STAU2: variants seen among roughly 807,000 people sequenced by gnomAD.
STAU2 encodes staufen double-stranded RNA binding protein 2, also known as double-stranded RNA-binding protein Staufen homolog 2.
STAU2 carries 20 observed loss-of-function variants against 65.9 expected under a neutral mutation model. The ratio of observed to expected loss-of-function variants is 0.30; its 90% confidence interval spans 0.21 to 0.44. The LOEUF is 0.44. Among genes scored for constraint, STAU2 ranks in the 20% least tolerant of loss-of-function variants. The pLI is 1.00. For missense variants in STAU2, 558 were observed against 683.9 expected (o/e 0.82, Z 2.05); for synonymous variants, 232 against 233.9 (o/e 0.99, Z 0.07).
At chr8:73,452,184 T>A (rs1412520684) in intron 13 of STAU2, among the ~76,000 whole-genome samples, 24 of 152,192 alleles carry the variant, frequency 1.6e-4, no homozygotes. Flanking sequence ...GGTTTTCTTT[T>A]TTCTCTCAAG....
chr8:73,676,194 T>G (rs1818016971), intron 5 of STAU2, among the ~76,000 whole-genome samples: 1 of 152,194 alleles, frequency 6.6e-6, no homozygotes, highest in Non-Finnish European at 1.5e-5. Flanking sequence ...TTAAGACCCA[T>G]CTACACACTG....
rs1401800014 is a variant in STAU2, at chr8:73,519,586, A to G, written c.1530+32426T>C. Among the ~76,000 whole-genome samples the G allele has an allele frequency of 2.0e-5, 3 of 152,196 alleles. No homozygotes were observed. In the East Asian group the frequency reaches 5.8e-4, roughly 29 times the overall value. On this transcript the variant is annotated intron_variant, in intron 13 of 14. Transcript: ENST00000524300. ...ATTTACAGTATGTGAATACACCAAG[A>G]TCAAGCTCTGGGATTCTTTCACAAA...
At chr8:73,680,425 G>T (rs1029093460) in intron 5 of STAU2, among the ~76,000 whole-genome samples, 2 of 152,110 alleles carry the variant, frequency 1.3e-5, no homozygotes, top group Non-Finnish European at 2.9e-5. Context: ...AACGGGGAGA[G>T]AACCACATCA....
At position 73,444,875 on chromosome 8, in the gene STAU2, G is replaced by A. The variant is rs557902570; in HGVS notation, c.1531-22173C>T. On this transcript the variant is annotated intron_variant, in intron 13 of 14. Transcript: ENST00000524300. ...TGAAGACACTTCCAGAGGACACAGG[G>A]ACCACATGCTAACAGTAGGCAAGGG... 2.9e-4 allele frequency among the ~76,000 whole-genome samples: 44 copies of A among 152,274 alleles called. 2 individuals carry two copies. Among genetic ancestry groups the A allele is most frequent in the African/African-American group, 9.6e-4 (40 of 41,566 alleles).
intron 13 of STAU2, among the ~76,000 whole-genome samples, chr8:73,447,025 T>C (rs1410681402): frequency 6.6e-6 from 1 of 152,218 alleles, no homozygotes; most frequent in Non-Finnish European, 1.5e-5. Flanking sequence ...CACTGCAACC[T>C]CCGCGTCCCG....
At chr8:73,720,075 G>C (rs1464302450) in intron 3 of STAU2, among the ~76,000 whole-genome samples, 9 of 151,988 alleles carry the variant, frequency 5.9e-5, no homozygotes, top group African/African-American at 2.2e-4. Flanking sequence ...CCAGGAGTTG[G>C]AGACCAGTCA....
chr8:73,448,444 G>A (rs1818601093), intron 13 of STAU2, among the ~76,000 whole-genome samples: 1 of 152,140 alleles, frequency 6.6e-6, no homozygotes, highest in African/African-American at 2.4e-5. Context: ...CGCCACGCCC[G>A]GCTAATTTTT....
chr8:73,699,297 T>G (rs1048294827), intron 4 of STAU2, among the ~76,000 whole-genome samples: 1 of 151,168 alleles, frequency 6.6e-6, no homozygotes, highest in African/African-American at 2.4e-5. Flanking sequence ...AAACTCAAAA[T>G]TAGTAGAAGA....
At chr8:73,442,158 T>C (rs1320793590) in intron 13 of STAU2, among the ~76,000 whole-genome samples, 1 of 151,886 alleles carries the variant, frequency 6.6e-6, no homozygotes, top group Non-Finnish European at 1.5e-5. Flanking sequence ...ATCGAGATCA[T>C]CCTGGCGAAC....
chr8:73,657,921 C>T (rs760853341), intron 6 of STAU2, among the ~76,000 whole-genome samples: 3 of 151,550 alleles, frequency 2.0e-5, no homozygotes, highest in Non-Finnish European at 4.4e-5. Flanking sequence ...AGCTGAGGCA[C>T]AAGGATCGCT....
intron 6 of STAU2, among the ~76,000 whole-genome samples, chr8:73,627,741 T>G (rs1813793262): frequency 7.7e-6 from 1 of 129,314 alleles, no homozygotes; most frequent in Admixed American, 9.0e-5. Context: ...TAGTAAATAC[T>G]CATTAAACCT....
intron 3 of STAU2, among the ~76,000 whole-genome samples, chr8:73,724,736 C>T (rs1457069096): frequency 1.3e-5 from 2 of 149,246 alleles, no homozygotes; most frequent in African/African-American, 5.0e-5. Context: ...GTCACCCAGA[C>T]TAGAATGCAA....
At chr8:73,730,728 C>CCA (rs1805991589) in intron 3 of STAU2, among the ~76,000 whole-genome samples, 1 of 82,698 alleles carries the variant, frequency 1.2e-5, no homozygotes, top group South Asian at 4.2e-4. Context: ...CTACGTCTTT[C>CCA]AAAAAAAAAA....
rs34533172 is a variant in STAU2, at chr8:73,591,882, T to TAAAAAAAAAAAAAAAAAAAAAAA, written c.1161+3261_1161+3283dup. 6.0e-4 allele frequency among the ~76,000 whole-genome samples: 17 copies of TAAAAAAAAAAAAAAAAAAAAAAA among 28,474 alleles called. 4 individuals carry two copies. Among genetic ancestry groups the TAAAAAAAAAAAAAAAAAAAAAAA allele is most frequent in the Admixed American group, 1.2e-3 (2 of 1,632 alleles). 18.7% of individuals were successfully genotyped at this position (28,474 alleles called of 152,430 possible). ...ACCCATACAGCGTGTATCCCAGAGGTAAAAAAAAAAAAAAAAAAAAAAAAA... is the reference window on the plus strand; with the variant it reads ...ACCCATACAGCGTGTATCCCAGAGGTAAAAAAAAAAAAAAAAAAAAAAAAAAAAAAAAAAAAAAAAAAAAAAAA... On this transcript the variant is annotated intron_variant, in intron 11 of 14. Transcript: ENST00000524300.
chr8:73,616,826 G>A (rs1812863676), intron 7 of STAU2, among the ~76,000 whole-genome samples: 1 of 151,900 alleles, frequency 6.6e-6, no homozygotes, highest in East Asian at 1.9e-4. Context: ...ACTATGCTAT[G>A]TATAGGACAT....
At chr8:73,580,807 G>A (rs1404218603) in intron 12 of STAU2, among the ~76,000 whole-genome samples, 1 of 152,096 alleles carries the variant, frequency 6.6e-6, no homozygotes, top group Admixed American at 6.6e-5. Flanking sequence ...CGTAATCCAA[G>A]GAAGGGACAA....
chr8:73,630,676 C>T (rs1055314021), intron 6 of STAU2, among the ~76,000 whole-genome samples: 15 of 152,252 alleles, frequency 9.9e-5, no homozygotes, highest in African/African-American at 2.9e-4. Context: ...AGAAAAAGCA[C>T]GAGCTTTGAT....
At position 73,709,157 on chromosome 8, in the gene STAU2, G is replaced by A; in HGVS notation, c.-12C>T. ...TTTGGGTTTGCCATTTTATCTTGGAGAGAAGCTGTAAATAAAAAGGCTATA... is the reference window on the plus strand; with the variant it reads ...TTTGGGTTTGCCATTTTATCTTGGAAAGAAGCTGTAAATAAAAAGGCTATA... On this transcript the variant is annotated 5_prime_UTR_variant, in exon 4 of 15. Coordinates refer to ENST00000524300, the MANE Select transcript of STAU2 (RefSeq NM_001164380.2). 6.6e-7 allele frequency: 1 copy of A among 1,517,600 alleles called. No homozygotes were observed. Among genetic ancestry groups the A allele is most frequent in the African/African-American group, 1.4e-5 (1 of 72,428 alleles). The allele number at this position is 1,517,600 out of a possible 1,614,324, so 94.0% of individuals were successfully genotyped here.
chr8:73,635,379 T>C (rs1814411085), intron 6 of STAU2, among the ~76,000 whole-genome samples: 2 of 152,220 alleles, frequency 1.3e-5, no homozygotes, highest in South Asian at 4.1e-4. Context: ...CTCTCCCTTT[T>C]TTTTCTTTTA....
Sources: gnomAD v4.1 joint callset for allele counts (sites outside exome capture counted in the v4.1 genomes callset) on GRCh38, gnomAD v4.1.1 for gene constraint, MANE v1.5 for transcripts, NCBI Gene and HGNC (gene_info 2026-07-23, HGNC 2026-07-21) for gene names.